The following GRIP1 variants were observed in gnomAD, a reference collection of about 807,000 sequenced individuals.
GRIP1 encodes glutamate receptor interacting protein 1, also known as glutamate receptor-interacting protein 1.
Under a neutral mutation model 129.9 loss-of-function variants are expected in GRIP1, and 45 were observed. That is an observed-to-expected ratio of 0.35 (90% CI 0.27 to 0.44). The LOEUF (loss-of-function observed/expected upper bound fraction) is 0.44, where lower values mean the gene tolerates loss of function less well. GRIP1 is among the 20% of genes least tolerant of loss of function. GRIP1 has a pLI of 1.00. For missense variants in GRIP1, 1,196 were observed against 1,396.8 expected, an observed-to-expected ratio of 0.86 and a Z score of 2.29; for synonymous variants, 530 against 520.8, an observed-to-expected ratio of 1.02 and a Z score of -0.24.
chr12:66,982,174 AG>A (rs898371333), intron 1 of GRIP1, among the ~76,000 whole-genome samples: 1 of 152,226 alleles, frequency 6.6e-6, no homozygotes, highest in Non-Finnish European at 1.5e-5. Flanking sequence ...ACTGAAATCC[AG>A]TTATTTCTGT....
At chr12:66,525,234 G>T (rs1484058607) in intron 5 of GRIP1, among the ~76,000 whole-genome samples, 1 of 152,116 alleles carries the variant, frequency 6.6e-6, no homozygotes, top group Non-Finnish European at 1.5e-5. Flanking sequence ...CCAAAAAAGA[G>T]AATTTTAGAC....
chr12:66,574,438 A>G (rs1251593542), intron 2 of GRIP1, among the ~76,000 whole-genome samples: 3 of 152,250 alleles, frequency 2.0e-5, no homozygotes, highest in Non-Finnish European at 2.9e-5. Context: ...CTCTTTTAAA[A>G]CACTAACATT....
At chr12:66,708,442 T>C (rs531365395) in intron 1 of GRIP1, among the ~76,000 whole-genome samples, 4 of 152,100 alleles carry the variant, frequency 2.6e-5, no homozygotes, top group South Asian at 4.1e-4. Flanking sequence ...ACTAGAATTA[T>C]ATTTTGTTAG....
At chr12:66,487,483 A>G (rs528709699) in intron 7 of GRIP1, among the ~76,000 whole-genome samples, 47 of 152,300 alleles carry the variant, frequency 3.1e-4, no homozygotes, top group Middle Eastern at 3.4e-3. Context: ...TAAATATGGA[A>G]GCACTAAATA....
intron 1 of GRIP1, among the ~76,000 whole-genome samples, chr12:66,897,936 C>T (rs2040778870): frequency 6.6e-6 from 1 of 152,088 alleles, no homozygotes; most frequent in South Asian, 2.1e-4. Context: ...GCCAAATCCT[C>T]GCAAAACAAA....
intron 1 of GRIP1, among the ~76,000 whole-genome samples, chr12:67,024,796 C>A (rs1592482511): frequency 6.6e-6 from 1 of 152,120 alleles, no homozygotes; most frequent in African/African-American, 2.4e-5. Flanking sequence ...TATACACACA[C>A]ATATTTTAGT....
chr12:67,007,828 A>G (rs1231679520), intron 1 of GRIP1, among the ~76,000 whole-genome samples: 1 of 152,208 alleles, frequency 6.6e-6, no homozygotes, highest in Non-Finnish European at 1.5e-5. Context: ...CGGGAATTTA[A>G]CTACAGTCCA....
chr12:66,774,268 G>T (rs931178371), intron 1 of GRIP1, among the ~76,000 whole-genome samples: 1 of 152,154 alleles, frequency 6.6e-6, no homozygotes, highest in African/African-American at 2.4e-5. Context: ...CCTAAGGTCT[G>T]AGGGAGGCTC....
chr12:66,581,017 T>C (rs1166502984), intron 2 of GRIP1, among the ~76,000 whole-genome samples: 1 of 152,144 alleles, frequency 6.6e-6, no homozygotes, highest in Admixed American at 6.5e-5. Context: ...AGTAAAGCTC[T>C]CCTCAGGAAA....
At chr12:66,930,115 T>A (rs1242941150) in intron 1 of GRIP1, among the ~76,000 whole-genome samples, 1 of 151,218 alleles carries the variant, frequency 6.6e-6, no homozygotes, top group Non-Finnish European at 1.5e-5. Context: ...CTTTTTTTTT[T>A]ATTATTACAC....
In GRIP1 at chr12:66,617,085, T is replaced by TTGTGTGTGTGTGTG. The variant is rs71436017; in HGVS notation, c.56-20172_56-20159dup. On this transcript the variant is annotated intron_variant, in intron 1 of 24. Transcript: ENST00000359742. ...AGCAACTTGACAAGCAACAGACGTT[T>TTGTGTGTGTGTGTG]TGTGTGTGTGTGTGTGTGTGTGTGT... Among the ~76,000 whole-genome samples the TTGTGTGTGTGTGTG allele has an allele frequency of 5.9e-3, 797 of 135,498 alleles. 6 individuals carry two copies. The highest frequency in any genetic ancestry group is 0.01 in the East Asian group (46 of 4,526). The allele number at this position is 135,498 out of a possible 152,430, so 88.9% of individuals were successfully genotyped here.
chr12:66,632,659 A>G (rs1846192329), intron 1 of GRIP1, among the ~76,000 whole-genome samples: 2 of 152,228 alleles, frequency 1.3e-5, no homozygotes, highest in South Asian at 4.1e-4. Context: ...TGTTGAGGAA[A>G]TGGTTCTTAA....
intron 1 of GRIP1, among the ~76,000 whole-genome samples, chr12:66,921,359 A>G (rs1229476317): frequency 2.0e-5 from 3 of 152,252 alleles, no homozygotes; most frequent in Admixed American, 1.3e-4. Context: ...ATGTCAATAC[A>G]TAAGATCAGT....
chr12:66,907,121 GTCTTT>G (rs2137295253), intron 1 of GRIP1, among the ~76,000 whole-genome samples: 1 of 152,246 alleles, frequency 6.6e-6, no homozygotes, highest in East Asian at 1.9e-4. Context: ...CAGTTCCTCA[GTCTTT>G]TCTTGTCTTT....
chr12:66,519,156 G>A (rs2060930381), intron 5 of GRIP1, among the ~76,000 whole-genome samples: 1 of 152,082 alleles, frequency 6.6e-6, no homozygotes, highest in Non-Finnish European at 1.5e-5. Flanking sequence ...AAATTAAAAG[G>A]CATTCACAGT....
chr12:66,687,137 C>T lies in GRIP1; in HGVS notation c.-419-56801G>A, dbSNP rs376470326. Among the ~76,000 whole-genome samples, 170 of 152,188 alleles carry T rather than the reference C, an allele frequency of 1.1e-3. 1 individual carries two copies. The highest frequency in any genetic ancestry group is 3.7e-3 in the African/African-American group (154 of 41,538). ...ATAAAGCCTCCTCAATTCTAAGACA[C>T]GTTACTCCTTCAAATAAAACTGTAC... On this transcript the variant is annotated intron_variant, in intron 1 of 4. Transcript: ENST00000538373.
chr12:66,524,099 G>C (rs200719803), intron 5 of GRIP1, among the ~76,000 whole-genome samples: 64 of 152,166 alleles, frequency 4.2e-4, no homozygotes, highest in African/African-American at 1.5e-3. Flanking sequence ...ACACCCCACT[G>C]TCAACATTAG....
rs548077661 is a variant in GRIP1 at position 66,378,561 on chromosome 12, A to G, written c.2621+719T>C. On this transcript the variant is annotated intron_variant, in intron 20 of 24. Transcript: ENST00000359742. ...CAGGAGTTCGAGACCGGCCTGGTCA[A>G]CATGACAAAACCCCATCTCTAGTAA... is the stretch of plus-strand genomic sequence containing the variant. Among the ~76,000 whole-genome samples, 8 of 152,196 alleles carry G rather than the reference A, an allele frequency of 5.3e-5. No individual in the cohort carries two copies. The South Asian group carries it at 1.7e-3, about 32-fold the overall frequency.
At chr12:66,979,738 TA>T (rs1174185419) in intron 1 of GRIP1, among the ~76,000 whole-genome samples, 1 of 152,052 alleles carries the variant, frequency 6.6e-6, no homozygotes, top group Non-Finnish European at 1.5e-5. Context: ...CAGGTGTCCT[TA>T]AAAAAGGAAA....
Sources: gnomAD v4.1 joint callset for allele counts (sites outside exome capture counted in the v4.1 genomes callset) on GRCh38, gnomAD v4.1.1 for gene constraint, MANE v1.5 for transcripts, NCBI Gene and HGNC (gene_info 2026-07-23, HGNC 2026-07-21) for gene names.